CLEC5A: variants seen among roughly 807,000 people sequenced by gnomAD.
CLEC5A encodes the protein C-type lectin domain containing 5A, also known as C-type lectin domain family 5 member A.
Under a neutral mutation model 24.4 loss-of-function variants are expected in CLEC5A, and 15 were observed. That is an observed-to-expected ratio of 0.62 (90% CI 0.41 to 0.95). The LOEUF (loss-of-function observed/expected upper bound fraction) is 0.95. Among genes scored for constraint, CLEC5A ranks in the 40% least tolerant of loss-of-function variants. The pLI is 0.00. For missense variants in CLEC5A, 211 were observed against 224.0 expected (o/e 0.94, Z 0.37); for synonymous variants, 71 against 72.6 (o/e 0.98, Z 0.11).
intron 4 of CLEC5A, chr7:141,936,346 T>G: frequency 3.8e-6 from 1 of 264,178 alleles, no homozygotes; most frequent in South Asian, 4.1e-5. Context: ...CCCCACCCTA[T>G]CCCTGCTGCA....
Position 141,943,907 on chromosome 7 carries a change from C to T in CLEC5A, c.197G>A (p.Ser66Asn). The T allele has an allele frequency of 6.2e-7, 1 of 1,608,978 alleles. No individual in the cohort carries two copies. Among genetic ancestry groups the T allele is most frequent in the Admixed American group, 1.7e-5 (1 of 59,956 alleles). ...PSPNGFITTR[S>N]YGTVCPKDWE... ...ATCATGCACTTTACCTGTTCCATAG[C>T]TCCTTGTGGTAATGAAGCCGTTGGG... The change falls in exon 4 of 7, where the codon AGC becomes AAC. Residue 66 changes from serine to asparagine, a missense_variant. Ser to Asn is a conservative substitution (Grantham distance 46). Transcript: ENST00000546910.
intron 5 of CLEC5A, 121 bp from the exon 6 acceptor site, chr7:141,931,947 G>A (rs1230459220): frequency 7.2e-6 from 4 of 553,336 alleles, no homozygotes; most frequent in Non-Finnish European, 1.3e-5. Context: ...TCTGGGACCA[G>A]CTATAGCTGG....
chr7:141,941,167 A>G lies in CLEC5A; in HGVS notation c.208+2729T>C, dbSNP rs112603579. 4.3e-3 allele frequency among the ~76,000 whole-genome samples: 662 copies of G among 152,258 alleles called. 5 individuals carry two copies. The highest frequency in any genetic ancestry group is 0.015 in the African/African-American group (636 of 41,562). On this transcript the variant is annotated intron_variant, in intron 4 of 6. Coordinates refer to ENST00000546910, the MANE Select transcript of CLEC5A (RefSeq NM_013252.3). ...CAAATATACCAATCAATATTGATGCAAAACACCTCAACAAAATACTAGCAA... is the reference window on the plus strand; with the variant it reads ...CAAATATACCAATCAATATTGATGCGAAACACCTCAACAAAATACTAGCAA...
In CLEC5A at chr7:141,930,233, A is replaced by G. The variant is rs782473517; in HGVS notation, c.453-15T>C. On this transcript the variant is annotated splice_polypyrimidine_tract_variant and intron_variant, in intron 6 of 6. Transcript: ENST00000546910. ...GATTGGTAACACTAAATGAGAAAAC[A>G]AAACAAAACAAAACAAACAAACAAA... is the stretch of plus-strand genomic sequence containing the variant. 5.1e-6 allele frequency: 8 copies of G among 1,571,466 alleles called. No homozygotes were observed. In the South Asian group the frequency reaches 6.7e-5, roughly 13 times the overall value.
rs145848379 is a variant in CLEC5A, at chr7:141,945,877, C to G, written c.79+337G>C. 4.0e-3 allele frequency: 1,332 copies of G among 330,698 alleles called. 11 individuals are homozygous for G. Among genetic ancestry groups the G allele is most frequent in the Non-Finnish European group, 5.7e-3 (1,018 of 179,334 alleles). 20.5% of individuals were successfully genotyped at this position (330,698 alleles called of 1,614,324 possible). A position where few individuals can be genotyped will look rare whatever the true frequency, so the allele number is the denominator to read the frequency against. On this transcript the variant is annotated intron_variant, in intron 2 of 6. Coordinates refer to ENST00000546910, the MANE Select transcript of CLEC5A (RefSeq NM_013252.3). ...ACCATGGCCTTGTCATTGGGTTGAA[C>G]TGGAGCTGTATTTTAGATTTTGCCA...
chr7:141,940,078 C>T (rs957632024), intron 4 of CLEC5A, among the ~76,000 whole-genome samples: 1 of 152,076 alleles, frequency 6.6e-6, no homozygotes. Flanking sequence ...ATACTATAGA[C>T]CAAATGAACA....
intron 4 of CLEC5A, among the ~76,000 whole-genome samples, chr7:141,941,873 G>T (rs529832762): frequency 9.9e-5 from 15 of 151,962 alleles, no homozygotes; most frequent in Non-Finnish European, 1.3e-4. Context: ...TTTAGCCAAA[G>T]AAGTGAAAGA....
At chr7:141,936,024 A>G in intron 4 of CLEC5A, 74 bp from the exon 5 acceptor site, 1 of 1,227,402 alleles carries the variant, frequency 8.1e-7, no homozygotes, top group Non-Finnish European at 1.2e-6. Flanking sequence ...GTCATGAAAC[A>G]GTGATACATA....
intron 6 of CLEC5A, among the ~76,000 whole-genome samples, chr7:141,930,739 C>A (rs192352205): frequency 1.3e-5 from 2 of 152,106 alleles, no homozygotes; most frequent in Non-Finnish European, 2.9e-5. Flanking sequence ...GCTCTGGTTT[C>A]GGAGAAATGT....
intron 5 of CLEC5A, among the ~76,000 whole-genome samples, chr7:141,934,612 C>CTTT (rs1563074252): frequency 1.2e-5 from 1 of 83,172 alleles, no homozygotes; most frequent in African/African-American, 4.8e-5. Flanking sequence ...TTTTCTTTAA[C>CTTT]GTTTTTTTTT....
rs968482228 is a variant in CLEC5A, at chr7:141,929,602, C to A, written c.*502G>T. 1 of 152,950 alleles carries A rather than the reference C, an allele frequency of 6.5e-6. No individual in the cohort carries two copies. The highest frequency in any genetic ancestry group is 1.9e-4 in the East Asian group (1 of 5,170). The allele number at this position is 152,950 out of a possible 1,614,324, so 9.5% of individuals were successfully genotyped here. A position where few individuals can be genotyped will look rare whatever the true frequency, so the allele number is the denominator to read the frequency against. ...CAAGCTCAGCACTAGGAGCCCTCCCCAAGGCCAAGCCTTAGTTCAGACTGA... is the reference window on the plus strand; with the variant it reads ...CAAGCTCAGCACTAGGAGCCCTCCCAAAGGCCAAGCCTTAGTTCAGACTGA... On this transcript the variant is annotated 3_prime_UTR_variant, in exon 7 of 7. Coordinates refer to ENST00000546910, the MANE Select transcript of CLEC5A (RefSeq NM_013252.3).
chr7:141,946,128 C>A, intron 2 of CLEC5A, 86 bp downstream of exon 2: 1 of 1,432,442 alleles, frequency 7.0e-7, no homozygotes, highest in Admixed American at 2.0e-5. Context: ...GATATGTAAC[C>A]TTTACACACA....
intron 4 of CLEC5A, among the ~76,000 whole-genome samples, chr7:141,942,202 A>C (rs1374851389): frequency 2.0e-5 from 3 of 152,130 alleles, no homozygotes; most frequent in African/African-American, 7.2e-5. Flanking sequence ...TTTAGTTACC[A>C]AAATGCCATG....
intron 4 of CLEC5A, among the ~76,000 whole-genome samples, chr7:141,938,072 T>C (rs1210131785): frequency 6.6e-6 from 1 of 152,164 alleles, no homozygotes; most frequent in Non-Finnish European, 1.5e-5. Flanking sequence ...ACCCAGACCA[T>C]GAAGACTACA....
At chr7:141,931,317 A>G (rs781865141) in intron 6 of CLEC5A, among the ~76,000 whole-genome samples, 12 of 152,182 alleles carry the variant, frequency 7.9e-5, no homozygotes, top group Non-Finnish European at 1.8e-4. Flanking sequence ...TCTCCTAGAG[A>G]TGGCTAGCAT....
intron 5 of CLEC5A, 97 bp from the exon 6 acceptor site, chr7:141,931,923 G>A: frequency 1.6e-6 from 1 of 608,828 alleles, no homozygotes; most frequent in South Asian, 2.1e-5. Flanking sequence ...GAATAAGGAA[G>A]GCCGGTAGAG....
In CLEC5A at chr7:141,946,287, G is replaced by T. The variant is rs1382033347; in HGVS notation, c.6C>A (p.Asn2Lys). The part of the protein sequence containing the change: M[N>K]WHMIISGLIV... ...TAAGCCCAGAGATGATCATGTGCCA[G>T]TTCATGATGAAGGAGCTGCAGGGGC... Residue 2 changes from asparagine to lysine, a missense_variant, in exon 2 of 7, where the codon AAC (asparagine) becomes AAA (lysine). Asn to Lys is a moderately conservative substitution (Grantham distance 94, BLOSUM62 0). Transcript: ENST00000546910. 1 of 1,568,038 alleles carries T rather than the reference G, an allele frequency of 6.4e-7. No individual in the cohort carries two copies. Among genetic ancestry groups the T allele is most frequent in the Admixed American group, 1.9e-5 (1 of 52,366 alleles).
At chr7:141,942,890 C>T (rs143393724) in intron 4 of CLEC5A, among the ~76,000 whole-genome samples, 1 of 152,128 alleles carries the variant, frequency 6.6e-6, no homozygotes, top group East Asian at 1.9e-4. Context: ...TCATCTCAAC[C>T]CAGTTAAAAT....
intron 2 of CLEC5A, 116 bp downstream of exon 2, chr7:141,946,098 G>T: frequency 8.8e-7 from 1 of 1,141,414 alleles, no homozygotes; most frequent in Non-Finnish European, 1.3e-6. Flanking sequence ...GGGTCAGTTA[G>T]TCTCAGGTGG....
Sources: gnomAD v4.1 joint callset for allele counts (sites outside exome capture counted in the v4.1 genomes callset) on GRCh38, gnomAD v4.1.1 for gene constraint, MANE v1.5 for transcripts, NCBI Gene and HGNC (gene_info 2026-07-23, HGNC 2026-07-21) for gene names.